Variants in ECD observed in about 807,000 individuals in gnomAD.
ECD encodes the protein ecdysoneless cell cycle regulator, also known as protein ecdysoneless homolog.
Under a neutral mutation model 77.2 loss-of-function variants are expected in ECD, and 59 were observed. The ratio of observed to expected loss-of-function variants is 0.76; its 90% CI spans 0.62 to 0.95. The LOEUF is 0.95. Among genes scored for constraint, ECD ranks in the 40% least tolerant of loss-of-function variants. ECD has a pLI of 0.00. For synonymous variants in ECD, 233 were observed against 267.4 expected (o/e 0.87, Z 1.26); for missense variants, 704 against 763.4 (o/e 0.92, Z 0.92).
chr10:73,146,390 C>T (rs772305315), intron 8 of ECD, 29 bp from the exon 9 acceptor site: 2 of 1,439,978 alleles, frequency 1.4e-6, no homozygotes, highest in African/African-American at 2.9e-5. Flanking sequence ...TCTATCAGAA[C>T]ATTACTCACA....
rs370077356 is a variant in ECD at position 73,163,712 on chromosome 10, A to T, written c.205+21T>A. On this transcript the variant is annotated intron_variant, in intron 2 of 13. Transcript: ENST00000372979. ...ATAACATTAAAAGTCACACTAATCC[A>T]AACAAGTAAAAGAGCCTTACCTTTC... 4 of 1,611,324 alleles carry T rather than the reference A, an allele frequency of 2.5e-6. No homozygotes were observed. In the African/African-American group the frequency reaches 5.3e-5, roughly 22 times the overall value.
chr10:73,133,943 G>T lies in ECD; in HGVS notation c.*640C>A, dbSNP rs1324237029. On this transcript the variant is annotated 3_prime_UTR_variant, in exon 14 of 14. Coordinates refer to ENST00000372979, the MANE Select transcript of ECD (RefSeq NM_007265.3). ...GAATGAGAGACTATTAGTGAGTATGGGGTTTCTAATATTCTAGAATTAGAT... is the reference window on the plus strand; with the variant it reads ...GAATGAGAGACTATTAGTGAGTATGTGGTTTCTAATATTCTAGAATTAGAT... 6.6e-6 allele frequency: 1 copy of T among 152,260 alleles called. No individual in the cohort carries two copies. The highest frequency in any genetic ancestry group is 1.5e-5 in the Non-Finnish European group (1 of 68,170). The allele number at this position is 152,260 out of a possible 1,614,324, so 9.4% of individuals were successfully genotyped here.
Position 73,135,385 on chromosome 10 carries a change from A to G in ECD, c.1705-572T>C, listed in dbSNP as rs1255051437. ...GTCCTTGCTACCCAAAGCATTGTCC[A>G]TGGAGCAGCAGAGTCTCCATCGCTT... is the stretch of plus-strand genomic sequence containing the variant. On this transcript the variant is annotated intron_variant, in intron 13 of 13. Coordinates refer to ENST00000372979, the MANE Select transcript of ECD (RefSeq NM_007265.3). 2.6e-5 allele frequency among the ~76,000 whole-genome samples: 4 copies of G among 152,148 alleles called. No individual in the cohort carries two copies. In the East Asian group the frequency reaches 5.8e-4, roughly 22 times the overall value.
At chr10:73,151,483 A>C (rs1843204969) in intron 7 of ECD, among the ~76,000 whole-genome samples, 1 of 152,140 alleles carries the variant, frequency 6.6e-6, no homozygotes, top group African/African-American at 2.4e-5. Flanking sequence ...GTATGTAACA[A>C]ACCTGCACGT....
chr10:73,151,485 C>A (rs979257254), intron 7 of ECD, among the ~76,000 whole-genome samples: 4 of 151,356 alleles, frequency 2.6e-5, no homozygotes, highest in Admixed American at 6.6e-5. Context: ...ATGTAACAAA[C>A]CTGCACGTTG....
intron 9 of ECD, among the ~76,000 whole-genome samples, chr10:73,140,463 G>T (rs1342587148): frequency 2.0e-5 from 3 of 151,248 alleles, no homozygotes; most frequent in African/African-American, 7.3e-5. Context: ...CCAAGGCGGG[G>T]AGATCACTTG....
At chr10:73,144,628 C>T (rs1232829690) in intron 9 of ECD, among the ~76,000 whole-genome samples, 4 of 152,154 alleles carry the variant, frequency 2.6e-5, no homozygotes, top group African/African-American at 7.2e-5. Context: ...GTTTGCTGCT[C>T]TGCCTATGGA....
At chr10:73,155,702 G>A (rs896996235) in intron 5 of ECD, among the ~76,000 whole-genome samples, 1 of 150,098 alleles carries the variant, frequency 6.7e-6, no homozygotes, top group South Asian at 2.1e-4. Context: ...GGGTTCAAGC[G>A]ATTCTCCTTG....
At chr10:73,143,847 T>TTTC (rs753288233) in intron 9 of ECD, among the ~76,000 whole-genome samples, 3,013 of 150,256 alleles carry the variant, frequency 0.02, 45 homozygotes, top group Non-Finnish European at 0.032. Context: ...TTTTTTTTTT[T>TTTC]CACTGCATTA....
At chr10:73,137,740 C>T (rs1202357737) in intron 12 of ECD, among the ~76,000 whole-genome samples, 1 of 149,772 alleles carries the variant, frequency 6.7e-6, no homozygotes, top group Non-Finnish European at 1.5e-5. Context: ...CGTGCCACTG[C>T]ACTCCAGCCT....
chr10:73,135,287 A>G (rs1842962733), intron 13 of ECD, among the ~76,000 whole-genome samples: 1 of 152,186 alleles, frequency 6.6e-6, no homozygotes, highest in African/African-American at 2.4e-5. Context: ...AAAGATTCTA[A>G]ATTGTTAGTT....
chr10:73,134,674 G>T lies in ECD; in HGVS notation c.1844C>A (p.Ala615Glu), dbSNP rs1564658113. The T allele has an allele frequency of 1.2e-6, 2 of 1,614,204 alleles. No individual in the cohort carries two copies. The highest frequency in any genetic ancestry group is 1.7e-6 in the Non-Finnish European group (2 of 1,180,028). Residue 615 changes from alanine (A) to glutamate (E), a missense_variant, in exon 14 of 14, where the codon GCA becomes GAA. Ala to Glu is a moderately radical substitution (Grantham distance 107). This residue lies in a region of ECD where 142 missense variants were observed against 163.6 expected (regional missense o/e 0.87). Coordinates refer to ENST00000372979, the MANE Select transcript of ECD (RefSeq NM_007265.3). ...TTGTAAAAGATTGGAAGCAGGTCCT[G>T]CCAGTCCAGCTTGGGAGCTATAGGA... ...LESYSSQAGL[A>E]GPASNLLQSM...
intron 5 of ECD, among the ~76,000 whole-genome samples, chr10:73,155,227 C>T (rs919617496): frequency 6.6e-6 from 1 of 151,776 alleles, no homozygotes. Flanking sequence ...CCACCACGCC[C>T]GGCTAATTTT....
chr10:73,156,100 G>T (rs1482680892), intron 5 of ECD, among the ~76,000 whole-genome samples, 175 bp downstream of exon 5: 1 of 152,106 alleles, frequency 6.6e-6, no homozygotes, highest in African/African-American at 2.4e-5. Context: ...TCATAAAGAG[G>T]AATGAAGACA....
At chr10:73,140,459 C>T (rs1432812666) in intron 9 of ECD, among the ~76,000 whole-genome samples, 5 of 151,164 alleles carry the variant, frequency 3.3e-5, no homozygotes, top group Non-Finnish European at 7.4e-5. Context: ...GAGGCCAAGG[C>T]GGGGAGATCA....
chr10:73,158,526 A>G (rs1843331245), intron 3 of ECD, among the ~76,000 whole-genome samples: 1 of 152,108 alleles, frequency 6.6e-6, no homozygotes, highest in East Asian at 1.9e-4. Flanking sequence ...ACTTGAGGTC[A>G]GGAGTTTGAG....
At chr10:73,143,211 T>A (rs896344134) in intron 9 of ECD, among the ~76,000 whole-genome samples, 2 of 152,160 alleles carry the variant, frequency 1.3e-5, no homozygotes, top group Non-Finnish European at 2.9e-5. Context: ...CTCTGTCACC[T>A]AGGCTGGAGT....
At chr10:73,141,434 C>G in intron 9 of ECD, 1 of 164,880 alleles carries the variant, frequency 6.1e-6, no homozygotes, top group Non-Finnish European at 1.3e-5. Context: ...ATGGCGTGAA[C>G]CCAGGAGGTG....
At position 73,156,607 on chromosome 10, in the gene ECD, A is replaced by G; in HGVS notation, c.372T>C (p.Phe124=). 1 of 1,614,054 alleles carries G rather than the reference A, an allele frequency of 6.2e-7. No homozygotes were observed. The highest frequency in any genetic ancestry group is 8.5e-7 in the Non-Finnish European group (1 of 1,180,030). ...TTTCAGGATCCAGCCATTTAGGGAG[A>G]AAGTCAGCAGCTTCTATTAACAAGA... The part of the protein sequence containing the change: ...GEFLLIEAAD[F]LPKWLDPENS... The change falls in exon 4 of 14, where the codon TTT becomes TTC. Residue 124 remains phenylalanine, a synonymous_variant. Coordinates refer to ENST00000372979, the MANE Select transcript of ECD (RefSeq NM_007265.3).
Sources: allele counts gnomAD v4.1 joint callset (sites outside exome capture counted in the v4.1 genomes callset), GRCh38; gene constraint gnomAD v4.1.1; regional missense constraint gnomAD v4.1.1; transcripts MANE v1.5; gene names NCBI Gene and HGNC (gene_info 2026-07-23, HGNC 2026-07-21).